Variants in MEAF6 observed in about 807,000 individuals in gnomAD.
MEAF6 encodes the protein chromatin modification-related protein MEAF6.
MEAF6 carries 15 observed loss-of-function variants against 28.9 expected under a neutral mutation model. That is an observed-to-expected ratio of 0.52 (90% CI 0.35 to 0.80). The LOEUF is 0.80. Among genes scored for constraint, MEAF6 ranks in the 30% least tolerant of loss-of-function variants. The pLI, the probability that MEAF6 is intolerant of heterozygous loss-of-function variation, is 0.01. For missense variants in MEAF6, 178 were observed against 237.5 expected (o/e 0.75, Z 1.65); for synonymous variants, 97 against 88.7 (o/e 1.09, Z -0.53).
In MEAF6 at chr1:37,514,478, C is replaced by A. The variant is rs1001284128; in HGVS notation, c.90+179G>T. The A allele has an allele frequency of 1.8e-3, 691 of 380,482 alleles. 11 individuals carry two copies. The highest frequency in any genetic ancestry group is 9.2e-5 in the Non-Finnish European group (20 of 216,610). The allele number at this position is 380,482 out of a possible 1,614,324, so 23.6% of individuals were successfully genotyped here. A position where few individuals can be genotyped will look rare whatever the true frequency, so the allele number is the denominator to read the frequency against. On this transcript the variant is annotated intron_variant, in intron 1 of 6. Transcript: ENST00000296214. ...CTCTCCCGGCTCCGGATTCGCACAGCCGGGAAGCTGAACCGCCGGCGGGCC... is the reference window on the plus strand; with the variant it reads ...CTCTCCCGGCTCCGGATTCGCACAGACGGGAAGCTGAACCGCCGGCGGGCC...
chr1:37,494,376 A>G (rs1244730212), intron 6 of MEAF6, among the ~76,000 whole-genome samples: 1 of 151,798 alleles, frequency 6.6e-6, no homozygotes, highest in Non-Finnish European at 1.5e-5. Context: ...TTGGCCAGAC[A>G]TGGTGGTGGG....
chr1:37,510,345 T>C (rs1642627136), intron 2 of MEAF6, among the ~76,000 whole-genome samples: 1 of 150,126 alleles, frequency 6.7e-6, no homozygotes, highest in Non-Finnish European at 1.5e-5. Context: ...CCTACCAAAG[T>C]GCTGGGATTA....
chr1:37,513,230 G>C (rs1451863901), intron 2 of MEAF6, among the ~76,000 whole-genome samples, 193 bp downstream of exon 2: 2 of 152,092 alleles, frequency 1.3e-5, no homozygotes, highest in Non-Finnish European at 2.9e-5. Context: ...CCCAACTTTC[G>C]CTATTTTACA....
intron 5 of MEAF6, 193 bp downstream of exon 5, chr1:37,501,611 C>G: frequency 2.2e-6 from 1 of 461,852 alleles, no homozygotes; most frequent in East Asian, 3.1e-5. Context: ...GTCCTGGAGT[C>G]TTCCTTGAGG....
At chr1:37,512,104 A>G (rs566236989) in intron 2 of MEAF6, among the ~76,000 whole-genome samples, 3 of 152,318 alleles carry the variant, frequency 2.0e-5, no homozygotes, top group African/African-American at 7.2e-5. Flanking sequence ...ACTGGGAGAT[A>G]TAACTACAAA....
In MEAF6 at chr1:37,493,996, G is replaced by A. The variant is rs926443962; in HGVS notation, c.*103C>T. ...CACAGGCACTGGGTCTGGGAGAGCAGAGGTGGATGGCCACGAACTCAGGTG... is the reference window on the plus strand; with the variant it reads ...CACAGGCACTGGGTCTGGGAGAGCAAAGGTGGATGGCCACGAACTCAGGTG... On this transcript the variant is annotated 3_prime_UTR_variant, in exon 7 of 7. Coordinates refer to ENST00000296214, the MANE Select transcript of MEAF6 (RefSeq NM_001270875.3). 9 of 1,585,200 alleles carry A rather than the reference G, an allele frequency of 5.7e-6. No homozygotes were observed. Among genetic ancestry groups the A allele is most frequent in the Non-Finnish European group, 7.7e-6 (9 of 1,169,770 alleles).
chr1:37,506,371 ATTTT>A (rs1642482990), intron 4 of MEAF6, among the ~76,000 whole-genome samples: 1 of 152,100 alleles, frequency 6.6e-6, no homozygotes, highest in African/African-American at 2.4e-5. Flanking sequence ...TTGGACTATA[ATTTT>A]TTTAATTTTT....
rs1641919582 is a variant in MEAF6, at chr1:37,491,244, C to T, written c.*2855G>A. On this transcript the variant is annotated 3_prime_UTR_variant, in exon 7 of 7. Coordinates refer to ENST00000296214, the MANE Select transcript of MEAF6 (RefSeq NM_001270875.3). ...ATATTGCCAGGTGCCAGGGCTCATG[C>T]CTGTAATCCCAGCACTTTGGGAGGC... Among the ~76,000 whole-genome samples, 1 of 152,162 alleles carries T rather than the reference C, an allele frequency of 6.6e-6. No homozygotes were observed. The highest frequency in any genetic ancestry group is 1.5e-5 in the Non-Finnish European group (1 of 68,034).
At position 37,493,615 on chromosome 1, in the gene MEAF6, A is replaced by C. The variant is rs987238707; in HGVS notation, c.*484T>G. The C allele has an allele frequency of 1.9e-4, 137 of 727,860 alleles. No individual in the cohort carries two copies. The highest frequency in any genetic ancestry group is 3.0e-4 in the Non-Finnish European group (127 of 427,874). The allele number at this position is 727,860 out of a possible 1,614,324, so 45.1% of individuals were successfully genotyped here. On this transcript the variant is annotated 3_prime_UTR_variant, in exon 7 of 7. Transcript: ENST00000296214. ...AGCTGTACAAAGGCATTACAAAAAAACCCCAAAGAAAATAAGATAAAAACA... is the reference window on the plus strand; with the variant it reads ...AGCTGTACAAAGGCATTACAAAAAACCCCCAAAGAAAATAAGATAAAAACA...
In MEAF6 at chr1:37,491,556, G is replaced by A. The variant is rs1641928749; in HGVS notation, c.*2543C>T. The stretch of plus-strand genomic sequence containing the variant: ...AAAATAAAAATGTTTTAAATTAGCT[G>A]GGAATGGTGGCATGCACCTATAGTC... On this transcript the variant is annotated 3_prime_UTR_variant, in exon 7 of 7. Coordinates refer to ENST00000296214, the MANE Select transcript of MEAF6 (RefSeq NM_001270875.3). Among the ~76,000 whole-genome samples the A allele has an allele frequency of 6.6e-6, 1 of 152,092 alleles. No homozygotes were observed. Among genetic ancestry groups the A allele is most frequent in the African/African-American group, 2.4e-5 (1 of 41,422 alleles).
chr1:37,503,540 C>T (rs1285837550), intron 4 of MEAF6, among the ~76,000 whole-genome samples: 2 of 151,330 alleles, frequency 1.3e-5, no homozygotes, highest in Non-Finnish European at 2.9e-5. Flanking sequence ...CCTGGAGTCT[C>T]AGCTGTTCAG....
chr1:37,498,409 TTTATTATTATTATTATTA>T (rs35576307), intron 5 of MEAF6, among the ~76,000 whole-genome samples: 1,893 of 122,524 alleles, frequency 0.015, 51 homozygotes, highest in African/African-American at 0.048. Flanking sequence ...TATGTTATTT[TTTATTATTATTATTATTA>T]TTATTATTAT....
At chr1:37,498,243 A>T (rs887143589) in intron 5 of MEAF6, among the ~76,000 whole-genome samples, 1 of 152,154 alleles carries the variant, frequency 6.6e-6, no homozygotes, top group Non-Finnish European at 1.5e-5. Flanking sequence ...TTGGGAGAGT[A>T]TACAGTAGGT....
At chr1:37,506,351 AAT>A (rs1382855251) in intron 4 of MEAF6, among the ~76,000 whole-genome samples, 2 of 152,184 alleles carry the variant, frequency 1.3e-5, no homozygotes, top group Non-Finnish European at 2.9e-5. Context: ...AACAAAAACA[AAT>A]ATATAAATTG....
chr1:37,506,474 T>C (rs1249564641), intron 4 of MEAF6, among the ~76,000 whole-genome samples: 1 of 152,152 alleles, frequency 6.6e-6, no homozygotes, highest in Non-Finnish European at 1.5e-5. Flanking sequence ...TGGGTTCAAG[T>C]GATCCTTCTC....
intron 2 of MEAF6, among the ~76,000 whole-genome samples, chr1:37,510,684 A>C (rs1443856067): frequency 3.4e-5 from 5 of 146,754 alleles, no homozygotes; most frequent in Non-Finnish European, 7.5e-5. Flanking sequence ...GCCTGGCCAC[A>C]CTTTCATTTT....
rs553543805 is a variant in MEAF6, at chr1:37,493,787, C to T, written c.*312G>A. ...AAGGGTATCACAGATGAAGCTGGTG[C>T]CAGCCAGTTTTGGGGGAGACATTCA... On this transcript the variant is annotated 3_prime_UTR_variant, in exon 7 of 7. Coordinates refer to ENST00000296214, the MANE Select transcript of MEAF6 (RefSeq NM_001270875.3). 42 of 1,550,588 alleles carry T rather than the reference C, an allele frequency of 2.7e-5. No homozygotes were observed. The highest frequency in any genetic ancestry group is 3.6e-5 in the Non-Finnish European group (41 of 1,147,026).
At chr1:37,502,615 CTTTTTTTTTTT>C (rs35429238) in intron 4 of MEAF6, among the ~76,000 whole-genome samples, 2 of 109,692 alleles carry the variant, frequency 1.8e-5, no homozygotes, top group South Asian at 3.0e-4. Context: ...CCTCGTAAGT[CTTTTTTTTTTT>C]TTTTTTTTTA....
chr1:37,510,143 C>A (rs1299612694), intron 2 of MEAF6, among the ~76,000 whole-genome samples: 1 of 148,374 alleles, frequency 6.7e-6, no homozygotes, highest in Non-Finnish European at 1.5e-5. Context: ...AATGGGAAAT[C>A]TCAGCTCGCT....
Sources: allele counts gnomAD v4.1 joint callset (sites outside exome capture counted in the v4.1 genomes callset), GRCh38; gene constraint gnomAD v4.1.1; transcripts MANE v1.5; gene names NCBI Gene and HGNC (gene_info 2026-07-23, HGNC 2026-07-21).